Variants in ZDHHC14 observed in about 807,000 individuals in gnomAD.
ZDHHC14 encodes the protein zDHHC palmitoyltransferase 14.
Under a neutral mutation model 47.7 loss-of-function variants are expected in ZDHHC14, and 16 were observed. The ratio of observed to expected loss-of-function variants is 0.34; its 90% CI spans 0.23 to 0.51. The LOEUF (loss-of-function observed/expected upper bound fraction) is 0.51. ZDHHC14 is among the 20% of genes least tolerant of loss of function. ZDHHC14 has a pLI of 0.97. For missense variants in ZDHHC14, 515 were observed against 662.5 expected, an observed-to-expected ratio of 0.78 and a Z score of 2.44; for synonymous variants, 293 against 278.9, an observed-to-expected ratio of 1.05 and a Z score of -0.50.
chr6:157,460,151 C>A (rs932868000), intron 1 of ZDHHC14, among the ~76,000 whole-genome samples: 1 of 150,802 alleles, frequency 6.6e-6, no homozygotes, highest in African/African-American at 2.4e-5. Flanking sequence ...TGCAGTGAGC[C>A]GAGATTGCGC....
At chr6:157,489,286 T>G (rs74656059) in intron 1 of ZDHHC14, among the ~76,000 whole-genome samples, 64,836 of 152,078 alleles carry the variant, frequency 0.43, 15,660 homozygotes, top group African/African-American at 0.65. Flanking sequence ...ACCCGATACA[T>G]AGAACAAACT....
intron 3 of ZDHHC14, among the ~76,000 whole-genome samples, chr6:157,613,869 A>G (rs1339203019): frequency 6.6e-6 from 1 of 152,206 alleles, no homozygotes; most frequent in South Asian, 2.1e-4. Flanking sequence ...AAGGAATGAA[A>G]AAAAAAGTCT....
In ZDHHC14 at chr6:157,650,413, G is replaced by A. The variant is rs536106791; in HGVS notation, c.965+3045G>A. Among the ~76,000 whole-genome samples the A allele has an allele frequency of 1.4e-4, 21 of 152,180 alleles. No individual in the cohort carries two copies. In the East Asian group the frequency reaches 3.5e-3, roughly 25 times the overall value. ...CAAGAGGTGAGACAAGACAAGGGGC[G>A]AGTCCAGGTGAGGAGGAGAAGGACG... is the stretch of plus-strand genomic sequence containing the variant. On this transcript the variant is annotated intron_variant, in intron 7 of 8. Coordinates refer to ENST00000359775, the MANE Select transcript of ZDHHC14 (RefSeq NM_024630.3).
intron 4 of ZDHHC14, chr6:157,628,748 A>T: frequency 2.2e-6 from 1 of 459,390 alleles, no homozygotes; most frequent in Non-Finnish European, 3.9e-6. Context: ...CTGCGCTTTC[A>T]CCAAACAATA....
chr6:157,513,056 G>A (rs767433095), intron 1 of ZDHHC14, among the ~76,000 whole-genome samples: 1 of 152,134 alleles, frequency 6.6e-6, no homozygotes, highest in Non-Finnish European at 1.5e-5. Flanking sequence ...TAAACAATAC[G>A]GGACTTTGTT....
intron 2 of ZDHHC14, among the ~76,000 whole-genome samples, chr6:157,547,450 G>GAGCATC (rs899091429): frequency 2.6e-5 from 4 of 151,860 alleles, no homozygotes; most frequent in African/African-American, 9.7e-5. Context: ...ATCCTAGACA[G>GAGCATC]AGCATCCCCT....
At chr6:157,460,107 G>A (rs1351860412) in intron 1 of ZDHHC14, among the ~76,000 whole-genome samples, 1 of 151,168 alleles carries the variant, frequency 6.6e-6, no homozygotes, top group South Asian at 2.1e-4. Context: ...GGGGGCTGAG[G>A]CAGGAGAATC....
At position 157,638,634 on chromosome 6, in the gene ZDHHC14, C is replaced by T. The variant is rs147954055; in HGVS notation, c.752+5752C>T. 6.6e-4 allele frequency among the ~76,000 whole-genome samples: 101 copies of T among 152,332 alleles called. 1 individual carries two copies. The East Asian group carries it at 0.012, about 19-fold the overall frequency. ...GGCAAAACCTGACAGGTCACAAGGT[C>T]GAGAACCATCCGCCTGGGCCCTGGA... On this transcript the variant is annotated intron_variant, in intron 5 of 8. Transcript: ENST00000359775.
Position 157,381,582 on chromosome 6 carries a change from CG to C in ZDHHC14, c.-436del, listed in dbSNP as rs1471390495. On this transcript the variant is annotated 5_prime_UTR_variant, in exon 1 of 9. Coordinates refer to ENST00000359775, the MANE Select transcript of ZDHHC14 (RefSeq NM_024630.3). ...AAGTGGCTCCCGAGGAAGCCGGCGC[CG>C]GGGCCGCCGCCTCGTGTCCCCTCGG... The C allele has an allele frequency of 2.5e-5, 10 of 397,806 alleles. No individual in the cohort carries two copies. The highest frequency in any genetic ancestry group is 5.5e-5 in the Admixed American group (2 of 36,404). The allele number at this position is 397,806 out of a possible 1,614,324, so 24.6% of individuals were successfully genotyped here.
At chr6:157,655,548 C>A (rs540675193) in intron 8 of ZDHHC14, among the ~76,000 whole-genome samples, 1 of 152,338 alleles carries the variant, frequency 6.6e-6, no homozygotes, top group East Asian at 1.9e-4. Context: ...AGAATTCTGG[C>A]CGCAGCATAC....
intron 8 of ZDHHC14, among the ~76,000 whole-genome samples, chr6:157,669,233 CTT>C (rs1328539686): frequency 6.6e-6 from 1 of 151,838 alleles, no homozygotes; most frequent in African/African-American, 2.4e-5. Context: ...TGCAGGAGCT[CTT>C]TGCAGGCTTA....
At chr6:157,436,830 G>T (rs539019758) in intron 1 of ZDHHC14, among the ~76,000 whole-genome samples, 2 of 152,154 alleles carry the variant, frequency 1.3e-5, no homozygotes, top group Non-Finnish European at 2.9e-5. Context: ...TTCCAGATGT[G>T]GAAGGAGGCC....
At chr6:157,419,467 C>T (rs1778054080) in intron 1 of ZDHHC14, among the ~76,000 whole-genome samples, 1 of 152,200 alleles carries the variant, frequency 6.6e-6, no homozygotes, top group Non-Finnish European at 1.5e-5. Flanking sequence ...ATACACCCTC[C>T]CCATCCTCTG....
rs186210779 is a variant in ZDHHC14, at chr6:157,423,132, A to G, written c.245+40866A>G. Among the ~76,000 whole-genome samples the G allele has an allele frequency of 4.4e-3, 664 of 152,320 alleles. 3 individuals are homozygous for G. The highest frequency in any genetic ancestry group is 7.8e-3 in the Non-Finnish European group (530 of 68,032). ...ATGGGTAAAAGTTATTGTTGTTGAT[A>G]TTCCTTAGCTTAATAAGGTCCCCAA... On this transcript the variant is annotated intron_variant, in intron 1 of 8. Transcript: ENST00000359775.
rs776204964 is a variant in ZDHHC14, at chr6:157,502,980, C to T, written c.246-39605C>T. On this transcript the variant is annotated intron_variant, in intron 1 of 8. Coordinates refer to ENST00000359775, the MANE Select transcript of ZDHHC14 (RefSeq NM_024630.3). This position sits in a 1 kb window ranked among gnomAD's most constrained non-coding sequence, Gnocchi z 4.0. ...TATTGGAATTACAGGCATGAGCCAC[C>T]GCACCCGGCTGTGTTTGTTTTTAAA... 5.3e-5 allele frequency among the ~76,000 whole-genome samples: 8 copies of T among 152,208 alleles called. No individual in the cohort carries two copies. Among genetic ancestry groups the T allele is most frequent in the Non-Finnish European group, 7.3e-5 (5 of 68,040 alleles).
chr6:157,570,754 TAC>T (rs67259133), intron 2 of ZDHHC14, among the ~76,000 whole-genome samples: 38,457 of 142,112 alleles, frequency 0.27, 5,265 homozygotes, highest in East Asian at 0.53. Context: ...TGTATATACA[TAC>T]ACACACACAC....
At chr6:157,645,115 C>G (rs564629970) in intron 5 of ZDHHC14, among the ~76,000 whole-genome samples, 98 of 152,162 alleles carry the variant, frequency 6.4e-4, no homozygotes, top group African/African-American at 2.3e-3. Flanking sequence ...TAAAAATACC[C>G]CTCACCCTGA....
intron 1 of ZDHHC14, among the ~76,000 whole-genome samples, chr6:157,456,838 C>T (rs971887064): frequency 2.6e-4 from 40 of 152,062 alleles, no homozygotes; most frequent in Admixed American, 2.6e-3. Flanking sequence ...AATCGCATTA[C>T]ATGTGCTGGT....
intron 1 of ZDHHC14, among the ~76,000 whole-genome samples, chr6:157,410,144 C>A (rs930322969): frequency 6.6e-6 from 1 of 152,204 alleles, no homozygotes; most frequent in African/African-American, 2.4e-5. Flanking sequence ...CACAGGCCAG[C>A]TTCTCAGCAC....
Sources: gnomAD v4.1 joint callset for allele counts (sites outside exome capture counted in the v4.1 genomes callset) on GRCh38, gnomAD v4.1.1 for gene constraint, Gnocchi (gnomAD v3.1) non-coding constraint, MANE v1.5 for transcripts, NCBI Gene and HGNC (gene_info 2026-07-23, HGNC 2026-07-21) for gene names.